The following ZNRF2 variants were observed in gnomAD, a reference collection of about 807,000 sequenced individuals.
ZNRF2 encodes the protein zinc and ring finger 2.
ZNRF2 carries 16 observed loss-of-function variants against 20.4 expected under a neutral mutation model. The observed-to-expected ratio is 0.79, with a 90% CI of 0.53 to 1.19. The LOEUF (loss-of-function observed/expected upper bound fraction) is 1.19, where lower values mean the gene tolerates loss of function less well. Among genes scored for constraint, ZNRF2 ranks in the 50% most tolerant of loss-of-function variants. ZNRF2 has a pLI of 0.00. For synonymous variants in ZNRF2, 178 were observed against 144.9 expected (o/e 1.23, Z -1.64); for missense variants, 363 against 332.4 (o/e 1.09, Z -0.72).
intron 1 of ZNRF2, among the ~76,000 whole-genome samples, chr7:30,305,895 G>A (rs1799192451): frequency 1.3e-5 from 2 of 152,060 alleles, no homozygotes; most frequent in South Asian, 4.1e-4. Context: ...TAGCACTTAT[G>A]GCAATGAAAT....
At chr7:30,345,920 A>C (rs972732936) in intron 2 of ZNRF2, among the ~76,000 whole-genome samples, 2 of 152,022 alleles carry the variant, frequency 1.3e-5, no homozygotes, top group Admixed American at 1.3e-4. Context: ...TCGCTTATAC[A>C]TGTTTTCTTG....
At chr7:30,297,943 C>T (rs1246282380) in intron 1 of ZNRF2, among the ~76,000 whole-genome samples, 1 of 152,022 alleles carries the variant, frequency 6.6e-6, no homozygotes, top group African/African-American at 2.4e-5. Flanking sequence ...TAGCTTACTG[C>T]AGCCTTGAAC....
intron 1 of ZNRF2, chr7:30,288,741 C>G (rs1428391658): frequency 2.0e-5 from 3 of 152,132 alleles, no homozygotes; most frequent in Non-Finnish European, 4.4e-5. Flanking sequence ...AAATCTTGTC[C>G]TTATTATTCT....
intron 2 of ZNRF2, among the ~76,000 whole-genome samples, chr7:30,339,368 C>T (rs561400335): frequency 6.6e-6 from 1 of 152,270 alleles, no homozygotes; most frequent in Admixed American, 6.5e-5. Context: ...ATGGTATTGC[C>T]TAGATTTTCT....
At chr7:30,295,038 AGAGAGAGAGAGAGTGTGTGTGTGTGT>A (rs1798989623) in intron 1 of ZNRF2, among the ~76,000 whole-genome samples, 1 of 112,870 alleles carries the variant, frequency 8.9e-6, no homozygotes, top group African/African-American at 4.2e-5. Flanking sequence ...AGAGAGAGAG[AGAGAGAGAGAGAGTGTGTGTGTGTGT>A]GTGTGTGTGT....
chr7:30,342,689 A>G (rs1299935067), intron 2 of ZNRF2, among the ~76,000 whole-genome samples: 2 of 151,946 alleles, frequency 1.3e-5, no homozygotes, highest in African/African-American at 4.8e-5. Flanking sequence ...TTCTGAGTTT[A>G]TTGTGTTGGG....
At chr7:30,295,155 G>T (rs1255582586) in intron 1 of ZNRF2, among the ~76,000 whole-genome samples, 1 of 148,320 alleles carries the variant, frequency 6.7e-6, no homozygotes, top group African/African-American at 2.5e-5. Flanking sequence ...TTAAGCTGGG[G>T]CCTTGAGACT....
chr7:30,361,451 CTTGT>C (rs1800125217), intron 3 of ZNRF2, among the ~76,000 whole-genome samples: 1 of 152,150 alleles, frequency 6.6e-6, no homozygotes, highest in Non-Finnish European at 1.5e-5. Flanking sequence ...TTAACCAAGT[CTTGT>C]AGCTTTGCGG....
chr7:30,365,667 A>G (rs780559683), intron 4 of ZNRF2, among the ~76,000 whole-genome samples: 25 of 152,244 alleles, frequency 1.6e-4, no homozygotes, highest in Admixed American at 2.6e-4. Flanking sequence ...CTGTGTAGCC[A>G]TAAAGCTCAA....
intron 2 of ZNRF2, among the ~76,000 whole-genome samples, chr7:30,336,158 T>TAGAGAAGAG (rs1554296180): frequency 6.6e-6 from 1 of 152,222 alleles, no homozygotes; most frequent in Non-Finnish European, 1.5e-5. Flanking sequence ...GCAAACATTT[T>TAGAGAAGAG]AGAGAAGATT....
chr7:30,343,860 TTA>T (rs1799835764), intron 2 of ZNRF2, among the ~76,000 whole-genome samples: 1 of 151,672 alleles, frequency 6.6e-6, no homozygotes, highest in African/African-American at 2.4e-5. Context: ...AATTCTGTCA[TTA>T]TACTTTCTGG....
At chr7:30,311,063 T>C (rs1799284666) in intron 1 of ZNRF2, among the ~76,000 whole-genome samples, 1 of 152,134 alleles carries the variant, frequency 6.6e-6, no homozygotes, top group South Asian at 2.1e-4. Context: ...CCCTTGACTG[T>C]GTGTAAGGTG....
At chr7:30,341,004 C>G (rs1583589910) in intron 2 of ZNRF2, among the ~76,000 whole-genome samples, 1 of 152,144 alleles carries the variant, frequency 6.6e-6, no homozygotes, top group East Asian at 1.9e-4. Flanking sequence ...TCCATTTCTT[C>G]TAGATTTTCT....
intron 2 of ZNRF2, among the ~76,000 whole-genome samples, chr7:30,330,997 G>T (rs530547938): frequency 6.6e-6 from 1 of 152,078 alleles, no homozygotes; most frequent in Non-Finnish European, 1.5e-5. Flanking sequence ...TACATTGTAA[G>T]GCAGAATTGA....
chr7:30,341,959 G>A (rs765156360), intron 2 of ZNRF2, among the ~76,000 whole-genome samples: 3 of 151,642 alleles, frequency 2.0e-5, no homozygotes, highest in Admixed American at 6.6e-5. Context: ...GCATCAATCC[G>A]CTTACCATTA....
rs926807224 is a variant in ZNRF2, at chr7:30,315,734, G to T, written c.470-7908G>T. On this transcript the variant is annotated intron_variant, in intron 1 of 4. Transcript: ENST00000323037. ...CTAAAGAAAAAGGTGGGGCGGGGGG[G>T]GGGGGGTTGGGTATAAAGACGCCTA... is the stretch of plus-strand genomic sequence containing the variant. Among the ~76,000 whole-genome samples the T allele has an allele frequency of 3.4e-3, 337 of 97,772 alleles. 12 individuals are homozygous for T. The highest frequency in any genetic ancestry group is 0.011 in the African/African-American group (314 of 29,062). The allele number at this position is 97,772 out of a possible 152,430, so 64.1% of individuals were successfully genotyped here. A position where few individuals can be genotyped will look rare whatever the true frequency, so the allele number is the denominator to read the frequency against.
chr7:30,301,354 A>T (rs1236794231), intron 1 of ZNRF2, among the ~76,000 whole-genome samples: 1 of 152,078 alleles, frequency 6.6e-6, no homozygotes, highest in Non-Finnish European at 1.5e-5. Flanking sequence ...GTGGTGGCAC[A>T]CACCTGTAAT....
chr7:30,289,088 G>A (rs1798849332), intron 1 of ZNRF2: 2 of 152,204 alleles, frequency 1.3e-5, no homozygotes, highest in Non-Finnish European at 2.9e-5. Context: ...GAGTCCAGAA[G>A]TGAAAATGTA....
At chr7:30,355,253 T>A (rs1800018705) in intron 2 of ZNRF2, among the ~76,000 whole-genome samples, 1 of 152,136 alleles carries the variant, frequency 6.6e-6, no homozygotes, top group African/African-American at 2.4e-5. Flanking sequence ...GTTAAGCAAC[T>A]TTTTAAAAGT....
Sources: allele counts gnomAD v4.1 joint callset (sites outside exome capture counted in the v4.1 genomes callset), GRCh38; gene constraint gnomAD v4.1.1; transcripts MANE v1.5; gene names NCBI Gene and HGNC (gene_info 2026-07-23, HGNC 2026-07-21).